Variants in OSBPL6 observed in about 807,000 individuals in gnomAD.
The protein encoded by OSBPL6 is oxysterol binding protein like 6.
A neutral mutation model predicts 125.8 loss-of-function variants in OSBPL6; 49 were observed. That is an observed-to-expected ratio of 0.39 (90% confidence interval 0.31 to 0.49). OSBPL6 has a LOEUF of 0.49. OSBPL6 is among the 20% of genes least tolerant of loss of function. The probability of loss-of-function intolerance (pLI) is 0.88; values close to 1 mark genes in which losing one functional copy is unlikely to be tolerated. For synonymous variants in OSBPL6, 394 were observed against 391.8 expected (o/e 1.01, Z -0.07); for missense variants, 986 against 1,135.4 (o/e 0.87, Z 1.89).
In OSBPL6 at chr2:178,227,845, G is replaced by A. The variant is rs755426785; in HGVS notation, c.-351+33171G>A. Among the ~76,000 whole-genome samples, 15 of 152,288 alleles carry A rather than the reference G, an allele frequency of 9.8e-5. No homozygotes were observed. In the South Asian group the frequency reaches 2.9e-3, roughly 29 times the overall value. On this transcript the variant is annotated intron_variant, in intron 1 of 24. Coordinates refer to ENST00000190611, the MANE Select transcript of OSBPL6 (RefSeq NM_032523.4). ...TTCAAGATGGTTGTTACCTCAGTAG[G>A]GGGAGGCAGGAAGATGAGATGGGAG...
intron 1 of OSBPL6, among the ~76,000 whole-genome samples, chr2:178,281,881 T>G (rs1259356033): frequency 6.6e-6 from 1 of 151,984 alleles, no homozygotes; most frequent in Non-Finnish European, 1.5e-5. Flanking sequence ...GGTTGATAGG[T>G]GCAGCAAACC....
chr2:178,377,244 A>G (rs1693961419), intron 15 of OSBPL6, among the ~76,000 whole-genome samples: 1 of 152,258 alleles, frequency 6.6e-6, no homozygotes, highest in South Asian at 2.1e-4. Flanking sequence ...CAGAAGGCCA[A>G]GGGGAAGCCA....
At chr2:178,272,414 T>C (rs1402995262) in intron 1 of OSBPL6, among the ~76,000 whole-genome samples, 2 of 152,204 alleles carry the variant, frequency 1.3e-5, no homozygotes, top group Non-Finnish European at 2.9e-5. Flanking sequence ...GATCACTGTA[T>C]ACGCAGATCT....
At chr2:178,255,972 T>C (rs2091874791) in intron 1 of OSBPL6, among the ~76,000 whole-genome samples, 1 of 152,198 alleles carries the variant, frequency 6.6e-6, no homozygotes, top group Non-Finnish European at 1.5e-5. Context: ...TGATAACTGA[T>C]TTCTGTGCTG....
intron 4 of OSBPL6, among the ~76,000 whole-genome samples, chr2:178,327,779 C>A (rs1308757578): frequency 2.6e-5 from 4 of 151,800 alleles, no homozygotes; most frequent in African/African-American, 9.7e-5. Context: ...CAGCCGTGAC[C>A]ACAGCGCTGT....
At chr2:178,237,258 A>G (rs1241731373) in intron 1 of OSBPL6, among the ~76,000 whole-genome samples, 1 of 152,032 alleles carries the variant, frequency 6.6e-6, no homozygotes, top group Non-Finnish European at 1.5e-5. Flanking sequence ...CCAAGACCCT[A>G]CTTCTGTCCC....
intron 13 of OSBPL6, among the ~76,000 whole-genome samples, chr2:178,368,785 C>T (rs574790206): frequency 5.7e-4 from 83 of 145,838 alleles, no homozygotes; most frequent in African/African-American, 2.0e-3. Context: ...TATTTTTCTT[C>T]ATCTTAATAA....
intron 11 of OSBPL6, chr2:178,344,324 G>T: frequency 6.2e-7 from 1 of 1,614,124 alleles, no homozygotes; most frequent in Non-Finnish European, 8.5e-7. Context: ...GCACAACTCG[G>T]CGCCGGCAGA....
In OSBPL6 at chr2:178,336,381, T is replaced by G; in HGVS notation, c.738T>G (p.Ser246Arg). 2 of 1,613,954 alleles carry G rather than the reference T, an allele frequency of 1.2e-6. No homozygotes were observed. The highest frequency in any genetic ancestry group is 1.7e-6 in the Non-Finnish European group (2 of 1,179,980). Residue 246 changes from serine (S) to arginine (R), a missense_variant, in exon 9 of 25, where the codon AGT (serine) becomes AGG (arginine). By Grantham distance (110) the Ser-to-Arg change is moderately radical (BLOSUM62 -1). Coordinates refer to ENST00000190611, the MANE Select transcript of OSBPL6 (RefSeq NM_032523.4). The stretch of plus-strand genomic sequence containing the variant: ...CTGCAACGTGCACAACTGGCCAGAG[T>G]AAAGTGGCAGCCTGGTTACAGGACT... ...SLPATCTTGQ[S>R]KVAAWLQDSE...
At chr2:178,322,876 A>G (rs1688362411) in intron 3 of OSBPL6, among the ~76,000 whole-genome samples, 1 of 149,770 alleles carries the variant, frequency 6.7e-6, no homozygotes, top group Non-Finnish European at 1.5e-5. Flanking sequence ...TTTGATCTTT[A>G]TTAGCCATGG....
chr2:178,208,284 T>TAA (rs538044941), intron 1 of OSBPL6, among the ~76,000 whole-genome samples: 26 of 111,738 alleles, frequency 2.3e-4, no homozygotes, highest in African/African-American at 7.0e-4. Flanking sequence ...AGACTCTGTC[T>TAA]AAAAAAAAAA....
At chr2:178,343,102 T>A (rs1442784864) in intron 11 of OSBPL6, among the ~76,000 whole-genome samples, 3 of 152,084 alleles carry the variant, frequency 2.0e-5, no homozygotes, top group African/African-American at 4.8e-5. Flanking sequence ...TTTTGAAGAT[T>A]TAGAGGTAGA....
chr2:178,370,674 A>G (rs574738725), intron 13 of OSBPL6, among the ~76,000 whole-genome samples: 1 of 152,212 alleles, frequency 6.6e-6, no homozygotes, highest in Non-Finnish European at 1.5e-5. Context: ...CTGTTTTCTC[A>G]GATCGTCAGA....
rs765936164 is a variant in OSBPL6, at chr2:178,261,331, T to C, written c.-350-23596T>C. On this transcript the variant is annotated intron_variant, in intron 1 of 24. Transcript: ENST00000190611. ...TGGTGGTCACGTAGTTGTATACATTTGTAAAACATCACCCTGTATACCTAA... is the reference window on the plus strand; with the variant it reads ...TGGTGGTCACGTAGTTGTATACATTCGTAAAACATCACCCTGTATACCTAA... 8.5e-4 allele frequency among the ~76,000 whole-genome samples: 129 copies of C among 151,832 alleles called. 2 individuals are homozygous for C. The highest frequency in any genetic ancestry group is 1.3e-3 in the Non-Finnish European group (89 of 67,954).
At chr2:178,389,620 C>T (rs1695236610) in intron 21 of OSBPL6, among the ~76,000 whole-genome samples, 1 of 152,208 alleles carries the variant, frequency 6.6e-6, no homozygotes. Flanking sequence ...CCAACCCTGC[C>T]ACTGTTATAA....
At chr2:178,310,419 T>TA (rs1461039487) in intron 3 of OSBPL6, among the ~76,000 whole-genome samples, 1 of 142,214 alleles carries the variant, frequency 7.0e-6, no homozygotes, top group South Asian at 2.4e-4. Flanking sequence ...ACTCTTTTTT[T>TA]TTTTTTTTTT....
intron 1 of OSBPL6, among the ~76,000 whole-genome samples, chr2:178,274,444 A>G (rs994405326): frequency 6.6e-6 from 1 of 152,148 alleles, no homozygotes; most frequent in Admixed American, 6.6e-5. Context: ...ACTGTACATA[A>G]TAAACTAATT....
At chr2:178,205,841 C>T (rs1226085248) in intron 1 of OSBPL6, among the ~76,000 whole-genome samples, 1 of 152,170 alleles carries the variant, frequency 6.6e-6, no homozygotes, top group East Asian at 1.9e-4. Context: ...CGCTAAGCAG[C>T]ACAGCTAAGT....
intron 1 of OSBPL6, among the ~76,000 whole-genome samples, chr2:178,211,460 G>A (rs575998169): frequency 1.5e-4 from 23 of 152,274 alleles, no homozygotes; most frequent in African/African-American, 5.5e-4. Context: ...ACTGTGCCTA[G>A]GGCTCAGCTT....
Sources: allele counts gnomAD v4.1 joint callset (sites outside exome capture counted in the v4.1 genomes callset), GRCh38; gene constraint gnomAD v4.1.1; transcripts MANE v1.5; gene names NCBI Gene and HGNC (gene_info 2026-07-23, HGNC 2026-07-21).